The following BABAM1 variants were observed in gnomAD, a reference collection of about 807,000 sequenced individuals.
The protein encoded by BABAM1 is BRISC and BRCA1 A complex member 1.
A neutral mutation model predicts 34.4 loss-of-function variants in BABAM1; 14 were observed. The ratio of observed to expected loss-of-function variants is 0.41; its 90% CI spans 0.27 to 0.64. The LOEUF is 0.64. BABAM1 is among the 30% of genes least tolerant of loss of function. The pLI is 0.34. For missense variants in BABAM1, 393 were observed against 434.0 expected (o/e 0.91, Z 0.84); for synonymous variants, 169 against 165.8 (o/e 1.02, Z -0.15).
At position 17,279,085 on chromosome 19, in the gene BABAM1, A is replaced by G. The variant is rs1412792744; in HGVS notation, c.*37A>G. On this transcript the variant is annotated 3_prime_UTR_variant, in exon 9 of 9. Transcript: ENST00000598188. ...ACATCTGCACCTTCTTGTGCAAGGA[A>G]GTCCTTGGCCTAAAGCCTTGGTTCT... The G allele has an allele frequency of 6.3e-7, 1 of 1,576,466 alleles. No individual in the cohort carries two copies. Among genetic ancestry groups the G allele is most frequent in the Non-Finnish European group, 8.6e-7 (1 of 1,157,602 alleles).
At chr19:17,275,667 G>A in intron 5 of BABAM1, 134 bp from the exon 6 acceptor site, 6 of 1,066,924 alleles carry the variant, frequency 5.6e-6, no homozygotes, top group African/African-American at 3.1e-5. Context: ...GTGTCAGAGA[G>A]GGCAAGTGAC....
intron 3 of BABAM1, among the ~76,000 whole-genome samples, chr19:17,272,724 A>T (rs1007826008): frequency 1.3e-5 from 2 of 151,950 alleles, no homozygotes; most frequent in Admixed American, 6.5e-5. Flanking sequence ...CTCTTTAAAA[A>T]AAGGAAAAAA....
rs550805861 is a variant in BABAM1, at chr19:17,276,536, C to T, written c.611C>T (p.Thr204Met). Residue 204 changes from threonine (T) to methionine (M), a missense_variant, in exon 7 of 9, where the codon ACG (threonine) becomes ATG (methionine). By Grantham distance (81) the Thr-to-Met change is moderately conservative (BLOSUM62 -1). Coordinates refer to ENST00000598188, the MANE Select transcript of BABAM1 (RefSeq NM_014173.4). Reference protein sequence around the residue: ...TELPVTENVQTIPPPYVVRTI... With the variant: ...TELPVTENVQMIPPPYVVRTI... ...CTTCCGGTCACAGAGAACGTGCAGA[C>T]GATTCCCCCGCCATATGTGGTCCGC... is the stretch of plus-strand genomic sequence containing the variant. The T allele has an allele frequency of 7.2e-4, 1,143 of 1,592,438 alleles. 19 individuals carry two copies. In the South Asian group the frequency reaches 0.011, roughly 16 times the overall value.
intron 6 of BABAM1, 89 bp from the exon 7 acceptor site, chr19:17,276,406 C>A: frequency 6.5e-7 from 1 of 1,540,862 alleles, no homozygotes; most frequent in South Asian, 1.2e-5. Flanking sequence ...CCTCACCTGC[C>A]CGGTGAGCAT....
intron 6 of BABAM1, 76 bp downstream of exon 6, chr19:17,275,901 C>A: frequency 1.3e-6 from 2 of 1,514,908 alleles, no homozygotes; most frequent in Non-Finnish European, 1.8e-6. Flanking sequence ...CCAAACGGCA[C>A]AGAAGTAATC....
At chr19:17,274,486 T>A in intron 5 of BABAM1, 1 of 371,320 alleles carries the variant, frequency 2.7e-6, no homozygotes. Flanking sequence ...AAGAATCACT[T>A]GAGTCCGGGA....
intron 2 of BABAM1, among the ~76,000 whole-genome samples, chr19:17,269,727 ATT>A (rs1023530092): frequency 7.2e-6 from 1 of 138,006 alleles, no homozygotes; most frequent in African/African-American, 2.7e-5. Flanking sequence ...TCTTTGCCCA[ATT>A]TTTTTTTTTT....
chr19:17,272,910 C>T (rs1306296870), intron 3 of BABAM1, among the ~76,000 whole-genome samples: 2 of 151,922 alleles, frequency 1.3e-5, no homozygotes, highest in Admixed American at 6.6e-5. Context: ...CCCAGCTACT[C>T]GGGAGGCTGA....
At chr19:17,273,367 A>G (rs2073864440) in intron 3 of BABAM1, among the ~76,000 whole-genome samples, 1 of 152,082 alleles carries the variant, frequency 6.6e-6, no homozygotes, top group Non-Finnish European at 1.5e-5. Flanking sequence ...AAGTTCCTGC[A>G]ATGACTCTAG....
rs1218072067 is a variant in BABAM1 at position 17,268,802 on chromosome 19, G to A, written c.-5G>A. On this transcript the variant is annotated 5_prime_UTR_variant, in exon 2 of 9. Coordinates refer to ENST00000598188, the MANE Select transcript of BABAM1 (RefSeq NM_014173.4). ...GTCCGTGTTCCATCTAGCCACACAG[G>A]AGCCATGGAAGTGGCAGAGCCCAGC... 7 of 1,596,596 alleles carry A rather than the reference G, an allele frequency of 4.4e-6. No homozygotes were observed. Among genetic ancestry groups the A allele is most frequent in the Non-Finnish European group, 6.0e-6 (7 of 1,169,878 alleles).
At chr19:17,274,734 G>A (rs530246463) in intron 5 of BABAM1, among the ~76,000 whole-genome samples, 1 of 152,114 alleles carries the variant, frequency 6.6e-6, no homozygotes, top group Admixed American at 6.6e-5. Context: ...GAACCTGGGC[G>A]CAGGACATTT....
intron 8 of BABAM1, chr19:17,277,182 G>T: frequency 2.9e-6 from 1 of 350,762 alleles, no homozygotes; most frequent in Non-Finnish European, 5.1e-6. Context: ...TTGCTTGCTT[G>T]CTTGCTTTTC....
intron 7 of BABAM1, 71 bp downstream of exon 7, chr19:17,276,695 T>C (rs767799658): frequency 7.0e-6 from 11 of 1,562,244 alleles, no homozygotes; most frequent in Admixed American, 3.8e-5. Flanking sequence ...AGGAGGGACT[T>C]CCAACCACAG....
chr19:17,272,800 C>T (rs1055618692), intron 3 of BABAM1, among the ~76,000 whole-genome samples: 1 of 151,968 alleles, frequency 6.6e-6, no homozygotes, highest in Non-Finnish European at 1.5e-5. Context: ...GGGCGGATCA[C>T]GAGGTCTGGA....
chr19:17,269,258 T>C (rs948740386), intron 2 of BABAM1, among the ~76,000 whole-genome samples, 167 bp downstream of exon 2: 1 of 152,152 alleles, frequency 6.6e-6, no homozygotes, highest in African/African-American at 2.4e-5. Context: ...CTCACAGTTC[T>C]TGGGGCCAGA....
intron 8 of BABAM1, among the ~76,000 whole-genome samples, chr19:17,278,439 G>A (rs1193644649): frequency 6.6e-6 from 1 of 151,798 alleles, no homozygotes; most frequent in Non-Finnish European, 1.5e-5. Flanking sequence ...CTCCCGAGTA[G>A]CTAGGACTAC....
Position 17,268,879 on chromosome 19 carries a change from C to G in BABAM1, c.73C>G (p.Pro25Ala), listed in dbSNP as rs748184795. Residue 25 changes from proline (P) to alanine (A), a missense_variant, in exon 2 of 9, where the codon CCC becomes GCC. Coordinates refer to ENST00000598188, the MANE Select transcript of BABAM1 (RefSeq NM_014173.4). ...AGAGGAGCACTCGGCAGAGCCTCGGCCCCGCACTCGCTCCAATCCTGAAGG... is the reference window on the plus strand; with the variant it reads ...AGAGGAGCACTCGGCAGAGCCTCGGGCCCGCACTCGCTCCAATCCTGAAGG... ...EEEEHSAEPRPRTRSNPEGAE... is the reference protein window; with the variant it reads ...EEEEHSAEPRARTRSNPEGAE... 13 of 1,598,442 alleles carry G rather than the reference C, an allele frequency of 8.1e-6. No homozygotes were observed. The South Asian group carries it at 1.5e-4, about 18-fold the overall frequency.
At chr19:17,274,572 A>T (rs11086064) in intron 5 of BABAM1, 2,195 of 61,166 alleles carry the variant, frequency 0.036, 111 homozygotes, top group Admixed American at 0.19. Flanking sequence ...CGTCTTTTTT[A>T]AAAAAAAAAA....
intron 6 of BABAM1, 78 bp from the exon 7 acceptor site, chr19:17,276,417 C>T: frequency 1.3e-6 from 2 of 1,547,332 alleles, no homozygotes; most frequent in Admixed American, 2.0e-5. Flanking sequence ...CGGTGAGCAT[C>T]TGGGGTCTCT....
Sources: allele counts gnomAD v4.1 joint callset (sites outside exome capture counted in the v4.1 genomes callset), GRCh38; gene constraint gnomAD v4.1.1; transcripts MANE v1.5; gene names NCBI Gene and HGNC (gene_info 2026-07-23, HGNC 2026-07-21).